LYPD1: variants seen among roughly 807,000 people sequenced by gnomAD.
LYPD1 encodes ly6/PLAUR domain-containing protein 1.
Under a neutral mutation model 14.2 loss-of-function variants are expected in LYPD1, and 14 were observed. The observed-to-expected ratio is 0.99, with a 90% CI of 0.65 to 1.54. The LOEUF is 1.54. LYPD1 is among the 40% of genes most tolerant of loss of function. LYPD1 has a pLI of 0.00. For missense variants in LYPD1, 165 were observed against 175.7 expected (o/e 0.94, Z 0.34); for synonymous variants, 85 against 70.6 (o/e 1.20, Z -1.02).
rs1681943361 is a variant in LYPD1 at position 132,644,408 on chromosome 2, G to C, written c.*1637C>G. The stretch of plus-strand genomic sequence containing the variant: ...AGGAAGTTTTATATTTGCCATCTCT[G>C]AATAATTCTTTTTCCCCACATGAGG... On this transcript the variant is annotated 3_prime_UTR_variant, in exon 3 of 3. Transcript: ENST00000397463. 6.6e-6 allele frequency among the ~76,000 whole-genome samples: 1 copy of C among 152,164 alleles called. No individual in the cohort carries two copies. The highest frequency in any genetic ancestry group is 2.4e-5 in the African/African-American group (1 of 41,428).
At chr2:132,662,601 G>A (rs1683017294) in intron 2 of LYPD1, among the ~76,000 whole-genome samples, 2 of 151,490 alleles carry the variant, frequency 1.3e-5, no homozygotes, top group Admixed American at 1.3e-4. Context: ...GCGGGCGGGA[G>A]AGAGGGAGGG....
In LYPD1 at chr2:132,668,380, G is replaced by C. The variant is rs757520076; in HGVS notation, c.190+20C>G. On this transcript the variant is annotated intron_variant, in intron 2 of 2. Transcript: ENST00000397463. ...ACAGCCCAGGCTTAAGAGCGAGGGG[G>C]AGGGCTGCCAGGCTCTTACCGGCAC... 6.3e-7 allele frequency: 1 copy of C among 1,596,230 alleles called. No individual in the cohort carries two copies. The highest frequency in any genetic ancestry group is 8.5e-7 in the Non-Finnish European group (1 of 1,171,012).
chr2:132,668,616 G>T (rs1307133845), intron 1 of LYPD1, 79 bp from the exon 2 acceptor site: 4 of 1,553,086 alleles, frequency 2.6e-6, no homozygotes, highest in Non-Finnish European at 3.5e-6. Context: ...CCACGCCTCA[G>T]AGCCAGGCGG....
At chr2:132,652,574 C>T (rs549303381) in intron 2 of LYPD1, among the ~76,000 whole-genome samples, 29 of 152,244 alleles carry the variant, frequency 1.9e-4, no homozygotes, top group East Asian at 3.9e-4. Flanking sequence ...AAACGTGGCT[C>T]GGATAATCCC....
intron 2 of LYPD1, among the ~76,000 whole-genome samples, chr2:132,648,233 G>A (rs3738842): frequency 0.56 from 84,791 of 152,164 alleles, 24,940 homozygotes; most frequent in African/African-American, 0.75. Flanking sequence ...TTCCACTACA[G>A]TGACCTTTTT....
Position 132,646,209 on chromosome 2 carries a change from A to C in LYPD1, c.262T>G (p.Cys88Gly). Residue 88 changes from cysteine (C) to glycine (G), a missense_variant, in exon 3 of 3, where the codon TGC becomes GGC. Transcript: ENST00000397463. ...ACTGAGTTCAGTTTCCCTGGGGAGC[A>C]GAAGGACTGGTACCCGGCAGAGGCG... ...LIASAGYQSF[C>G]SPGKLNSVCI... The C allele has an allele frequency of 6.2e-7, 1 of 1,606,606 alleles. No homozygotes were observed. Among genetic ancestry groups the C allele is most frequent in the Non-Finnish European group, 8.5e-7 (1 of 1,175,746 alleles).
At position 132,669,774 on chromosome 2, in the gene LYPD1, C is replaced by G. The variant is rs892597408; in HGVS notation, c.52+107G>C. 3.3e-6 allele frequency: 5 copies of G among 1,512,812 alleles called. No individual in the cohort carries two copies. Among genetic ancestry groups the G allele is most frequent in the Non-Finnish European group, 3.5e-6 (4 of 1,137,494 alleles). 93.7% of individuals were successfully genotyped at this position (1,512,812 alleles called of 1,614,324 possible). A position where few individuals can be genotyped will look rare whatever the true frequency, so the allele number is the denominator to read the frequency against. On this transcript the variant is annotated intron_variant, in intron 1 of 2. Coordinates refer to ENST00000397463, the MANE Select transcript of LYPD1 (RefSeq NM_144586.7). The surrounding 1 kb of genome is among the most constrained non-coding windows in gnomAD (Gnocchi z 4.3). ...CGGCCGCCAACTCCCGCTGGGCAGC[C>G]CCAGCGCAGGGCTGGCCCCGAGGTG...
In LYPD1 at chr2:132,670,083, C is replaced by A; in HGVS notation, c.-151G>T. The A allele has an allele frequency of 6.7e-7, 1 of 1,483,156 alleles. No homozygotes were observed. The highest frequency in any genetic ancestry group is 8.9e-7 in the Non-Finnish European group (1 of 1,124,904). The allele number at this position is 1,483,156 out of a possible 1,614,324, so 91.9% of individuals were successfully genotyped here. ...CGACGGTCGTAGCTTAGAGGAGCCG[C>A]AGGTGCCGCTCGCGGAGCCTGCATC... On this transcript the variant is annotated 5_prime_UTR_variant, in exon 1 of 3. Transcript: ENST00000397463. The surrounding 1 kb of genome is among the most constrained non-coding windows in gnomAD (Gnocchi z 4.5).
At chr2:132,646,420 G>GGATTGTCTCATTGATATTCAAGATA (rs1682082000) in intron 2 of LYPD1, 140 bp from the exon 3 acceptor site, 4 of 448,366 alleles carry the variant, frequency 8.9e-6, no homozygotes, top group Non-Finnish European at 1.6e-5. Context: ...GAAGTGCTTC[G>GGATTGTCTCATTGATATTCAAGATA]GATTGTCTCA....
At chr2:132,657,359 T>G (rs1468277669) in intron 2 of LYPD1, among the ~76,000 whole-genome samples, 1 of 152,212 alleles carries the variant, frequency 6.6e-6, no homozygotes, top group African/African-American at 2.4e-5. Context: ...TATGACTTAT[T>G]ATCTCAGTAT....
In LYPD1 at chr2:132,652,509, G is replaced by A. The variant is rs59060404; in HGVS notation, c.191-6229C>T. 3.4e-3 allele frequency among the ~76,000 whole-genome samples: 517 copies of A among 152,234 alleles called. 2 individuals carry two copies. Among genetic ancestry groups the A allele is most frequent in the African/African-American group, 0.012 (491 of 41,534 alleles). ...GTGAGAGGCTCTGATCTTAGTTAAC[G>A]CAGATGCAGACCCAGAGCTAGAAGG... On this transcript the variant is annotated intron_variant, in intron 2 of 2. Transcript: ENST00000397463.
intron 2 of LYPD1, among the ~76,000 whole-genome samples, chr2:132,661,048 T>A (rs1233566162): frequency 6.6e-6 from 1 of 152,202 alleles, no homozygotes; most frequent in Admixed American, 6.5e-5. Flanking sequence ...CACAGTGTAC[T>A]CCTCTGTAAA....
intron 2 of LYPD1, among the ~76,000 whole-genome samples, chr2:132,655,514 A>ATTTTTTTTT (rs1180944589): frequency 0.13 from 12,485 of 98,930 alleles, 2,184 homozygotes; most frequent in African/African-American, 0.26. Context: ...GTTGAGAAGC[A>ATTTTTTTTT]TTTTTTTTTT....
chr2:132,645,457 A>T lies in LYPD1; in HGVS notation c.*588T>A. On this transcript the variant is annotated 3_prime_UTR_variant, in exon 3 of 3. Transcript: ENST00000397463. Reference sequence around the variant, plus strand: ...CCGGCGCCAGTCCTCTGCAAGGAGAACTGAGAAGATTTTCTTAAGCACTTT... The same window carrying T: ...CCGGCGCCAGTCCTCTGCAAGGAGATCTGAGAAGATTTTCTTAAGCACTTT... The T allele has an allele frequency of 6.2e-7, 1 of 1,613,886 alleles. No individual in the cohort carries two copies. The highest frequency in any genetic ancestry group is 8.5e-7 in the Non-Finnish European group (1 of 1,180,030).
chr2:132,665,554 A>G (rs1045580172), intron 2 of LYPD1, among the ~76,000 whole-genome samples: 20 of 152,302 alleles, frequency 1.3e-4, no homozygotes, highest in Admixed American at 1.2e-3. Context: ...ACCTGGCAGG[A>G]TATTTTACGA....
chr2:132,669,259 C>A lies in LYPD1; in HGVS notation c.52+622G>T, dbSNP rs184871335. ...GGCCCCGGCTTTCAGGACAACCGTT[C>A]GACTAGGGTCAGTGGTCGGGGTTCC... On this transcript the variant is annotated intron_variant, in intron 1 of 2. Transcript: ENST00000397463. This position sits in a 1 kb window ranked among gnomAD's most constrained non-coding sequence, Gnocchi z 4.3. Among the ~76,000 whole-genome samples the A allele has an allele frequency of 6.6e-6, 1 of 152,168 alleles. No individual in the cohort carries two copies.
chr2:132,653,523 G>C (rs577570184), intron 2 of LYPD1, among the ~76,000 whole-genome samples: 1 of 152,274 alleles, frequency 6.6e-6, no homozygotes, highest in South Asian at 2.1e-4. Flanking sequence ...GAAGGAATGA[G>C]GGAAATAGAA....
At chr2:132,657,627 T>C (rs1682676596) in intron 2 of LYPD1, among the ~76,000 whole-genome samples, 1 of 152,214 alleles carries the variant, frequency 6.6e-6, no homozygotes, top group East Asian at 1.9e-4. Context: ...GAACATGATG[T>C]CCTCACACTA....
chr2:132,652,324 A>G (rs2315599), intron 2 of LYPD1, among the ~76,000 whole-genome samples: 82,779 of 152,024 alleles, frequency 0.54, 23,165 homozygotes, highest in African/African-American at 0.66. Context: ...AGGAAAAGGA[A>G]AAGACGACAG....
Sources: allele counts gnomAD v4.1 joint callset (sites outside exome capture counted in the v4.1 genomes callset), GRCh38; gene constraint gnomAD v4.1.1; non-coding constraint Gnocchi (gnomAD v3.1); transcripts MANE v1.5; gene names NCBI Gene and HGNC (gene_info 2026-07-23, HGNC 2026-07-21).